Variants in NTN1 observed in about 807,000 individuals in gnomAD.
NTN1 encodes the protein netrin-1.
In NTN1, 11 loss-of-function variants were observed where a neutral mutation model predicts 54.2. The observed-to-expected ratio is 0.20, with a 90% CI of 0.13 to 0.34. NTN1 has a LOEUF of 0.34. Ranked by LOEUF, NTN1 falls within the 10% of genes least tolerant of loss-of-function variation. The pLI is 1.00. For synonymous variants in NTN1, 371 were observed against 382.0 expected, an observed-to-expected ratio of 0.97 and a Z score of 0.33; for missense variants, 740 against 893.1, an observed-to-expected ratio of 0.83 and a Z score of 2.18.
At chr17:9,125,602 G>A (rs957204840) in intron 2 of NTN1, among the ~76,000 whole-genome samples, 1 of 151,382 alleles carries the variant, frequency 6.6e-6, no homozygotes, top group African/African-American at 2.4e-5. Flanking sequence ...CCTATTTGAG[G>A]GTTATTTATT....
chr17:9,187,995 G>T (rs1006195205), intron 5 of NTN1, among the ~76,000 whole-genome samples: 1 of 152,212 alleles, frequency 6.6e-6, no homozygotes, highest in Non-Finnish European at 1.5e-5. Context: ...CAGATTAGAG[G>T]TTGCTAGGGG....
intron 2 of NTN1, among the ~76,000 whole-genome samples, chr17:9,083,827 C>G (rs1318642020): frequency 1.3e-5 from 2 of 152,156 alleles, no homozygotes; most frequent in South Asian, 4.1e-4. Context: ...TAATTCAAGC[C>G]ATTTTGGGTC....
intron 5 of NTN1, among the ~76,000 whole-genome samples, chr17:9,196,465 C>T (rs1304402056): frequency 6.6e-6 from 1 of 152,240 alleles, no homozygotes; most frequent in Non-Finnish European, 1.5e-5. Context: ...CCCAGCCCCA[C>T]CTCCTGCTGA....
At chr17:9,111,728 AG>A (rs1193040016) in intron 2 of NTN1, among the ~76,000 whole-genome samples, 7 of 152,170 alleles carry the variant, frequency 4.6e-5, no homozygotes, top group South Asian at 2.1e-4. Flanking sequence ...CTTACAATAA[AG>A]TAAACTAGAG....
chr17:9,113,588 C>T (rs1369310752), intron 2 of NTN1, among the ~76,000 whole-genome samples: 1 of 152,122 alleles, frequency 6.6e-6, no homozygotes, highest in East Asian at 1.9e-4. Context: ...TTGGCACCCT[C>T]TTATTGCAGG....
chr17:9,024,989 C>G (rs2151507451), intron 2 of NTN1, among the ~76,000 whole-genome samples: 1 of 152,224 alleles, frequency 6.6e-6, no homozygotes, highest in South Asian at 2.1e-4. Context: ...CTTTTCTTCC[C>G]TTTGTGCGTA....
At chr17:9,235,621 C>T (rs1567748700) in intron 6 of NTN1, among the ~76,000 whole-genome samples, 1 of 152,178 alleles carries the variant, frequency 6.6e-6, no homozygotes, top group Non-Finnish European at 1.5e-5. Context: ...ATCAAGGTGC[C>T]AACAGATTCA....
chr17:9,099,252 A>G (rs1238537477), intron 2 of NTN1, among the ~76,000 whole-genome samples: 4 of 152,204 alleles, frequency 2.6e-5, no homozygotes, highest in Non-Finnish European at 4.4e-5. Flanking sequence ...AAATACAAAA[A>G]AAGTTAGCTG....
chr17:9,025,994 T>C (rs954166456), intron 2 of NTN1, among the ~76,000 whole-genome samples: 1 of 152,210 alleles, frequency 6.6e-6, no homozygotes, highest in Non-Finnish European at 1.5e-5. Context: ...TTTACAACTA[T>C]GGCAAAGTCA....
chr17:9,050,835 A>C (rs747770028), intron 2 of NTN1, among the ~76,000 whole-genome samples: 1 of 152,254 alleles, frequency 6.6e-6, no homozygotes, highest in Non-Finnish European at 1.5e-5. Context: ...TGAGATGCTA[A>C]GTGCAGTGCC....
intron 5 of NTN1, among the ~76,000 whole-genome samples, chr17:9,192,661 T>C (rs1904492335): frequency 6.6e-6 from 1 of 152,196 alleles, no homozygotes; most frequent in African/African-American, 2.4e-5. Context: ...ACTCCCGTTA[T>C]ACAGAATAAA....
chr17:9,044,866 A>T (rs763557183), intron 2 of NTN1, among the ~76,000 whole-genome samples: 1 of 152,228 alleles, frequency 6.6e-6, no homozygotes, highest in Non-Finnish European at 1.5e-5. Context: ...AGCACAGAGT[A>T]AAAGCGGGGG....
rs1291786886 is a variant in NTN1, at chr17:9,163,117, G to A, written c.1207+116G>A. 6 of 954,734 alleles carry A rather than the reference G, an allele frequency of 6.3e-6. No individual in the cohort carries two copies. In the East Asian group the frequency reaches 1.3e-4, roughly 21 times the overall value. 59.1% of individuals were successfully genotyped at this position (954,734 alleles called of 1,614,324 possible). On this transcript the variant is annotated intron_variant, in intron 3 of 6. Transcript: ENST00000173229. ...CAGTCTGTACAAATTGGCGTTGTCTGAGGTCATCTCTCTCTCTTTCTCTCT... is the reference window on the plus strand; with the variant it reads ...CAGTCTGTACAAATTGGCGTTGTCTAAGGTCATCTCTCTCTCTTTCTCTCT...
At chr17:9,052,442 G>A (rs942358534) in intron 2 of NTN1, among the ~76,000 whole-genome samples, 5 of 152,210 alleles carry the variant, frequency 3.3e-5, no homozygotes, top group Admixed American at 3.3e-4. Context: ...CAAGTGTGTT[G>A]GTCTCAGACT....
chr17:9,020,099 A>T (rs1011087317), upstream of NTN1, among the ~76,000 whole-genome samples: 12 of 152,326 alleles, frequency 7.9e-5, no homozygotes, highest in African/African-American at 2.6e-4. Flanking sequence ...CCTTCTTCCA[A>T]GGAGACGGAG....
chr17:9,114,054 C>T (rs1323935818), intron 2 of NTN1, among the ~76,000 whole-genome samples: 2 of 147,928 alleles, frequency 1.4e-5, no homozygotes, highest in Non-Finnish European at 3.0e-5. Context: ...CCCAGCTACT[C>T]GGGAGGCTGA....
At chr17:9,225,398 G>T (rs537875516) in intron 6 of NTN1, among the ~76,000 whole-genome samples, 1 of 152,196 alleles carries the variant, frequency 6.6e-6, no homozygotes, top group African/African-American at 2.4e-5. Flanking sequence ...CCTGCGGGGT[G>T]GGGTGGCAGG....
At chr17:9,130,652 C>A (rs887556541) in intron 2 of NTN1, among the ~76,000 whole-genome samples, 8 of 152,154 alleles carry the variant, frequency 5.3e-5, no homozygotes, top group Admixed American at 2.0e-4. Context: ...CTCTTGGACA[C>A]CCTAAACACC....
intron 5 of NTN1, among the ~76,000 whole-genome samples, chr17:9,188,650 G>A (rs1904356106): frequency 6.6e-6 from 1 of 152,086 alleles, no homozygotes; most frequent in Admixed American, 6.6e-5. Context: ...GGAGGGGATG[G>A]CGGAAGTCGT....
Sources: gnomAD v4.1 joint callset for allele counts (sites outside exome capture counted in the v4.1 genomes callset) on GRCh38, gnomAD v4.1.1 for gene constraint, MANE v1.5 for transcripts, NCBI Gene and HGNC (gene_info 2026-07-23, HGNC 2026-07-21) for gene names.